The following ANKRD45 variants were observed in gnomAD, a reference collection of about 807,000 sequenced individuals.
ANKRD45 encodes the protein ankyrin repeat domain-containing protein 45.
Under a neutral mutation model 28.1 loss-of-function variants are expected in ANKRD45, and 21 were observed. The observed-to-expected ratio is 0.75, with a 90% confidence interval of 0.53 to 1.08. ANKRD45 has a LOEUF of 1.08. Ranked by LOEUF, ANKRD45 falls within the 50% of genes least tolerant of loss-of-function variation. The probability of loss-of-function intolerance (pLI) is 0.00; values close to 1 mark genes in which losing one functional copy is unlikely to be tolerated. For synonymous variants in ANKRD45, 86 were observed against 103.9 expected, an observed-to-expected ratio of 0.83 and a Z score of 1.05; for missense variants, 261 against 308.7, an observed-to-expected ratio of 0.85 and a Z score of 1.16.
intron 5 of ANKRD45, among the ~76,000 whole-genome samples, chr1:173,617,333 C>A (rs1042491815): frequency 6.6e-6 from 1 of 152,220 alleles, no homozygotes; most frequent in African/African-American, 2.4e-5. Context: ...GGAATTCCTG[C>A]CAGACAGCGC....
chr1:173,659,254 A>C lies in ANKRD45; in HGVS notation c.165T>G (p.Phe55Leu). The C allele has an allele frequency of 6.2e-7, 1 of 1,614,122 alleles. No homozygotes were observed. The highest frequency in any genetic ancestry group is 8.5e-7 in the Non-Finnish European group (1 of 1,180,014). Residue 55 changes from phenylalanine (F) to leucine (L), a missense_variant, in exon 2 of 6, where the codon TTT becomes TTG. By Grantham distance (22) the Phe-to-Leu change is conservative. Coordinates refer to ENST00000333279, the MANE Select transcript of ANKRD45 (RefSeq NM_198493.3). ...CATGATGAGGATTCTCAGGATCCTC[A>C]AATATCTTCTGCAAACCCTCTACAT... ...TGDVEGLQKI[F>L]EDPENPHHEQ... is the part of the protein sequence containing the mutation.
At chr1:173,616,216 G>A (rs1216040432) in intron 5 of ANKRD45, among the ~76,000 whole-genome samples, 1 of 152,118 alleles carries the variant, frequency 6.6e-6, no homozygotes, top group East Asian at 1.9e-4. Flanking sequence ...AAAATATTAT[G>A]CCAAGTGAGA....
chr1:173,646,778 T>A (rs1668951756), intron 3 of ANKRD45, 68 bp downstream of exon 3: 3 of 1,488,482 alleles, frequency 2.0e-6, no homozygotes, highest in African/African-American at 2.8e-5. Context: ...AGGTGACATA[T>A]CCTGTAACTC....
At chr1:173,628,281 A>G (rs1199101847) in intron 3 of ANKRD45, among the ~76,000 whole-genome samples, 1 of 151,826 alleles carries the variant, frequency 6.6e-6, no homozygotes, top group Non-Finnish European at 1.5e-5. Flanking sequence ...TTGTCTTGCA[A>G]CTTGGGTACC....
At chr1:173,706,030 C>G in the ANKRD45 span, among the ~76,000 whole-genome samples, 1 of 152,050 alleles carries the variant, frequency 6.6e-6, no homozygotes, top group Non-Finnish European at 1.5e-5. Flanking sequence ...TCCGGCTGGG[C>G]GCAGTGGCTC....
chr1:173,671,447 T>C (rs761463783), upstream of ANKRD45, among the ~76,000 whole-genome samples: 16 of 152,124 alleles, frequency 1.1e-4, no homozygotes, highest in Non-Finnish European at 2.2e-4. Flanking sequence ...GTGTCATGCA[T>C]AGAACTGCAG....
the ANKRD45 span, among the ~76,000 whole-genome samples, chr1:173,706,224 C>T: frequency 6.8e-6 from 1 of 147,694 alleles, no homozygotes; most frequent in Non-Finnish European, 1.5e-5. Flanking sequence ...ATTGCTTGAA[C>T]CTGGGTGGTG....
the ANKRD45 span, among the ~76,000 whole-genome samples, chr1:173,711,052 C>A: frequency 2.6e-5 from 4 of 152,074 alleles, no homozygotes; most frequent in African/African-American, 9.7e-5. Flanking sequence ...ACAATGGGCC[C>A]TGTGGGTCTC....
chr1:173,661,546 T>G lies in ANKRD45; in HGVS notation c.-15-2113A>C, dbSNP rs184875552. Among the ~76,000 whole-genome samples the G allele has an allele frequency of 4.9e-3, 746 of 152,338 alleles. 9 individuals carry two copies. Among genetic ancestry groups the G allele is most frequent in the Admixed American group, 0.011 (169 of 15,290 alleles). ...AATTAAGGACAGTTAGCTGAAGGTT[T>G]TAGTGCTAGGAACTAAGTAGGTTTC... is the stretch of plus-strand genomic sequence containing the variant. On this transcript the variant is annotated intron_variant, in intron 1 of 5. Transcript: ENST00000333279.
intron 5 of ANKRD45, among the ~76,000 whole-genome samples, chr1:173,612,349 AAGGAAGG>A: frequency 6.6e-6 from 1 of 151,328 alleles, no homozygotes; most frequent in Non-Finnish European, 1.5e-5. Flanking sequence ...GGAAGGAAGG[AAGGAAGG>A]AAGGAAAAGT....
intron 3 of ANKRD45, among the ~76,000 whole-genome samples, chr1:173,644,887 G>A (rs550080031): frequency 1.3e-5 from 2 of 152,112 alleles, no homozygotes; most frequent in South Asian, 4.2e-4. Flanking sequence ...CAGCTACTTG[G>A]GAGGCTGAGG....
At chr1:173,615,049 C>G (rs566872872) in intron 5 of ANKRD45, among the ~76,000 whole-genome samples, 1 of 152,150 alleles carries the variant, frequency 6.6e-6, no homozygotes, top group Non-Finnish European at 1.5e-5. Flanking sequence ...GAACTTCCAA[C>G]CTCCAGTAAT....
chr1:173,652,833 A>G (rs972811622), intron 2 of ANKRD45, among the ~76,000 whole-genome samples: 7 of 152,152 alleles, frequency 4.6e-5, no homozygotes, highest in Non-Finnish European at 1.0e-4. Flanking sequence ...GGGAGGATGT[A>G]TGTGTCCAGG....
chr1:173,612,629 C>T (rs939566461), intron 5 of ANKRD45: 1 of 152,744 alleles, frequency 6.5e-6, no homozygotes, highest in Non-Finnish European at 1.5e-5. Flanking sequence ...CACAGTCTCC[C>T]TCTGATGCTG....
At chr1:173,639,069 T>C (rs1202076161) in intron 3 of ANKRD45, among the ~76,000 whole-genome samples, 1 of 152,242 alleles carries the variant, frequency 6.6e-6, no homozygotes, top group Non-Finnish European at 1.5e-5. Flanking sequence ...ACCTGTGTCC[T>C]GTTTGCACTC....
chr1:173,710,244 G>A, the ANKRD45 span, among the ~76,000 whole-genome samples: 4 of 152,152 alleles, frequency 2.6e-5, no homozygotes, highest in Non-Finnish European at 5.9e-5. Context: ...GGTTGTTACC[G>A]GTGGTGAATC....
At chr1:173,636,884 A>C (rs1355399271) in intron 3 of ANKRD45, 1 of 1,535,926 alleles carries the variant, frequency 6.5e-7, no homozygotes, top group African/African-American at 1.4e-5. Flanking sequence ...CCCATTGATC[A>C]ACAACATTGA....
chr1:173,689,774 G>A, the ANKRD45 span, among the ~76,000 whole-genome samples: 18 of 151,824 alleles, frequency 1.2e-4, 1 homozygote, highest in East Asian at 7.7e-4. Flanking sequence ...GGTGATCTGC[G>A]TTGTTATTGT....
Position 173,609,972 on chromosome 1 carries a change from G to A in ANKRD45, c.*173C>T, listed in dbSNP as rs556089676. The stretch of plus-strand genomic sequence containing the variant: ...GGGCTGTGCTTGGAGGAGCAGAGGC[G>A]AGGCCAGAGTCCGGACATAAGCATG... On this transcript the variant is annotated 3_prime_UTR_variant, in exon 6 of 6. Transcript: ENST00000333279. 4.5e-5 allele frequency: 29 copies of A among 643,128 alleles called. No homozygotes were observed. The highest frequency in any genetic ancestry group is 8.1e-5 in the South Asian group (4 of 49,406). 39.8% of individuals were successfully genotyped at this position (643,128 alleles called of 1,614,324 possible). A position where few individuals can be genotyped will look rare whatever the true frequency, so the allele number is the denominator to read the frequency against.
Sources: allele counts gnomAD v4.1 joint callset (sites outside exome capture counted in the v4.1 genomes callset), GRCh38; gene constraint gnomAD v4.1.1; transcripts MANE v1.5; gene names NCBI Gene and HGNC (gene_info 2026-07-23, HGNC 2026-07-21).